Variants in PILRA observed in about 807,000 individuals in gnomAD.
The protein encoded by PILRA is paired immunoglobin like type 2 receptor alpha.
In PILRA, 37 loss-of-function variants were observed where a neutral mutation model predicts 33.1. The ratio of observed to expected loss-of-function variants is 1.12; its 90% confidence interval spans 0.86 to 1.47. The LOEUF (loss-of-function observed/expected upper bound fraction) is 1.47, where lower values mean the gene tolerates loss of function less well. Among genes scored for constraint, PILRA ranks in the 40% most tolerant of loss-of-function variants. The pLI, the probability that PILRA is intolerant of heterozygous loss-of-function variation, is 0.00. For synonymous variants in PILRA, 146 were observed against 149.9 expected, an observed-to-expected ratio of 0.97 and a Z score of 0.19; for missense variants, 312 against 376.2, an observed-to-expected ratio of 0.83 and a Z score of 1.41.
upstream of PILRA, among the ~76,000 whole-genome samples, chr7:100,372,505 G>A (rs755155542): frequency 1.3e-5 from 2 of 152,288 alleles, no homozygotes; most frequent in South Asian, 2.1e-4. Flanking sequence ...AGCCTCCTAC[G>A]GAGGGAGCCC....
intron 2 of PILRA, among the ~76,000 whole-genome samples, chr7:100,380,079 T>C (rs929553614): frequency 2.6e-5 from 4 of 152,118 alleles, no homozygotes; most frequent in African/African-American, 9.7e-5. Context: ...TCCCCTACCC[T>C]AGCCCAAAGA....
chr7:100,375,083 A>G (rs1024530278), intron 2 of PILRA, among the ~76,000 whole-genome samples: 3 of 151,292 alleles, frequency 2.0e-5, no homozygotes, highest in Non-Finnish European at 4.4e-5. Context: ...TCCTGCATCC[A>G]TCCTTTACCC....
intron 2 of PILRA, among the ~76,000 whole-genome samples, chr7:100,378,507 G>T (rs1791004244): frequency 6.6e-6 from 1 of 152,136 alleles, no homozygotes; most frequent in Non-Finnish European, 1.5e-5. Flanking sequence ...TTATGCAATT[G>T]ACAGAAACTG....
intron 2 of PILRA, among the ~76,000 whole-genome samples, chr7:100,388,752 A>C (rs925351256): frequency 1.4e-5 from 2 of 145,308 alleles, no homozygotes; most frequent in African/African-American, 5.2e-5. Flanking sequence ...TCCGTCTCAA[A>C]AAAAAAAAAA....
Position 100,379,659 on chromosome 7 carries a change from C to A in PILRA, c.454+5226C>A, listed in dbSNP as rs371174337. Among the ~76,000 whole-genome samples, 329 of 128,706 alleles carry A rather than the reference C, an allele frequency of 2.6e-3. 2 individuals are homozygous for A. Among genetic ancestry groups the A allele is most frequent in the African/African-American group, 9.7e-3 (319 of 32,798 alleles). The allele number at this position is 128,706 out of a possible 152,430, so 84.4% of individuals were successfully genotyped here. A position where few individuals can be genotyped will look rare whatever the true frequency, so the allele number is the denominator to read the frequency against. Reference sequence around the variant, plus strand: ...CTCCAGCCTGAGCAACAGACGGAGACTCTGTCTCCAAAAAAAAAAAAAAAA... The same window carrying A: ...CTCCAGCCTGAGCAACAGACGGAGAATCTGTCTCCAAAAAAAAAAAAAAAA... On this transcript the variant is annotated intron_variant, in intron 2 of 6. Transcript: ENST00000198536.
upstream of PILRA, among the ~76,000 whole-genome samples, chr7:100,372,031 C>T (rs1421907891): frequency 3.3e-5 from 5 of 152,188 alleles, no homozygotes; most frequent in Non-Finnish European, 7.3e-5. Context: ...AAGCAGGTGA[C>T]CTTTCAGCCA....
chr7:100,382,414 C>G (rs1421130066), intron 2 of PILRA, among the ~76,000 whole-genome samples: 2 of 152,198 alleles, frequency 1.3e-5, no homozygotes, highest in East Asian at 3.9e-4. Flanking sequence ...GTAAGTACAC[C>G]AATCACCACT....
chr7:100,378,995 C>T (rs907630187), intron 2 of PILRA, among the ~76,000 whole-genome samples: 2 of 149,198 alleles, frequency 1.3e-5, no homozygotes, highest in Admixed American at 1.3e-4. Flanking sequence ...CCGGAGGCTG[C>T]GGCAGGAGAA....
At chr7:100,382,510 T>C (rs1428351134) in intron 2 of PILRA, among the ~76,000 whole-genome samples, 2 of 152,200 alleles carry the variant, frequency 1.3e-5, no homozygotes, top group Admixed American at 1.3e-4. Context: ...CTTTTGTGTC[T>C]AGCTCAGGGA....
intron 2 of PILRA, among the ~76,000 whole-genome samples, chr7:100,380,477 T>C (rs933021891): frequency 6.6e-6 from 1 of 152,104 alleles, no homozygotes; most frequent in African/African-American, 2.4e-5. Flanking sequence ...CTGGGAAATT[T>C]AAGATACAAT....
chr7:100,394,662 A>G (rs2130233644), intron 3 of PILRA, among the ~76,000 whole-genome samples: 1 of 152,142 alleles, frequency 6.6e-6, no homozygotes, highest in Middle Eastern at 3.4e-3. Flanking sequence ...AACGGAATAG[A>G]ATACAGAGTC....
At position 100,373,566 on chromosome 7, in the gene PILRA, C is replaced by A; in HGVS notation, c.-91C>A. 1 of 1,457,894 alleles carries A rather than the reference C, an allele frequency of 6.9e-7. No homozygotes were observed. The highest frequency in any genetic ancestry group is 9.6e-7 in the Non-Finnish European group (1 of 1,045,076). 90.3% of individuals were successfully genotyped at this position (1,457,894 alleles called of 1,614,324 possible). On this transcript the variant is annotated 5_prime_UTR_variant, in exon 1 of 7. Coordinates refer to ENST00000198536, the MANE Select transcript of PILRA (RefSeq NM_013439.3). Reference sequence around the variant, plus strand: ...GAGCCTGAGCCCGGCTCTCCTCACTCACCTCAACCCCCAGGCGGCCCCTCC... The same window carrying A: ...GAGCCTGAGCCCGGCTCTCCTCACTAACCTCAACCCCCAGGCGGCCCCTCC...
intron 2 of PILRA, among the ~76,000 whole-genome samples, chr7:100,387,963 T>G (rs745863330): frequency 6.6e-6 from 1 of 152,218 alleles, no homozygotes; most frequent in Non-Finnish European, 1.5e-5. Context: ...GTTTGGGGTT[T>G]TTTCTTTGGA....
At chr7:100,398,994 T>C (rs1028761384) in intron 4 of PILRA, among the ~76,000 whole-genome samples, 17 of 151,770 alleles carry the variant, frequency 1.1e-4, no homozygotes, top group African/African-American at 3.9e-4. Context: ...CAGGCTGGAG[T>C]GCAGTGGCGC....
chr7:100,396,473 T>C (rs541460541), intron 3 of PILRA, among the ~76,000 whole-genome samples: 44 of 152,178 alleles, frequency 2.9e-4, no homozygotes, highest in Non-Finnish European at 4.7e-4. Context: ...ACCAACGTGG[T>C]GAAACCCTGT....
Position 100,399,566 on chromosome 7 carries a change from G to A in PILRA, c.758-15G>A, listed in dbSNP as rs778726653. 5.0e-6 allele frequency: 8 copies of A among 1,613,932 alleles called. No individual in the cohort carries two copies. The highest frequency in any genetic ancestry group is 5.9e-6 in the Non-Finnish European group (7 of 1,180,004). ...ACGCCACCTGACCTTGGCACACCTT[G>A]CTTTTTATTCTTAGGACAAAATACA... On this transcript the variant is annotated splice_polypyrimidine_tract_variant and intron_variant, in intron 5 of 6. Coordinates refer to ENST00000198536, the MANE Select transcript of PILRA (RefSeq NM_013439.3).
intron 2 of PILRA, among the ~76,000 whole-genome samples, chr7:100,378,242 C>T (rs1422645875): frequency 6.6e-6 from 1 of 151,890 alleles, no homozygotes; most frequent in Non-Finnish European, 1.5e-5. Context: ...GTCCCAGCTA[C>T]TCAGGAGGCT....
At chr7:100,384,024 A>G (rs936298334) in intron 2 of PILRA, among the ~76,000 whole-genome samples, 1 of 152,108 alleles carries the variant, frequency 6.6e-6, no homozygotes, top group African/African-American at 2.4e-5. Context: ...GAGACTGGGG[A>G]GAGAGGACGC....
chr7:100,373,363 C>T (rs771557921), upstream of PILRA: 1 of 565,658 alleles, frequency 1.8e-6, no homozygotes, highest in East Asian at 2.9e-5. Context: ...CAAGGTCAGG[C>T]CCAGCCCCTC....
Sources: gnomAD v4.1 joint callset for allele counts (sites outside exome capture counted in the v4.1 genomes callset) on GRCh38, gnomAD v4.1.1 for gene constraint, MANE v1.5 for transcripts, NCBI Gene and HGNC (gene_info 2026-07-23, HGNC 2026-07-21) for gene names.